The following TMEM59 variants were observed in gnomAD, a reference collection of about 807,000 sequenced individuals.
The protein encoded by TMEM59 is dendritic cell factor 1.
A neutral mutation model predicts 42.2 loss-of-function variants in TMEM59; 44 were observed. The observed-to-expected ratio is 1.04, with a 90% CI of 0.82 to 1.34. The LOEUF (loss-of-function observed/expected upper bound fraction) is 1.34. Among genes scored for constraint, TMEM59 ranks in the 40% most tolerant of loss-of-function variants. The pLI is 0.00. For synonymous variants in TMEM59, 148 were observed against 145.8 expected, an observed-to-expected ratio of 1.02 and a Z score of -0.11; for missense variants, 359 against 382.8, an observed-to-expected ratio of 0.94 and a Z score of 0.52.
chr1:54,032,213 A>T lies in TMEM59; in HGVS notation c.909T>A (p.Thr303=). The change falls in exon 8 of 8, where the codon ACT becomes ACA. Residue 303 remains threonine, a synonymous_variant. Transcript: ENST00000234831. ...GAGGCCCTGCTTCTTCATGATCTTC[A>T]GTTTTAGATCTAACAACCACAAGAG... ...ASSLVVVRSK[T]EDHEEAGPLP... 6.2e-7 allele frequency: 1 copy of T among 1,613,354 alleles called. No homozygotes were observed. The highest frequency in any genetic ancestry group is 8.5e-7 in the Non-Finnish European group (1 of 1,179,636).
chr1:54,053,266 C>T (rs1657644737), upstream of TMEM59: 1 of 1,530,084 alleles, frequency 6.5e-7, no homozygotes, highest in South Asian at 1.2e-5. Context: ...GGGGCCAGCC[C>T]CCTTCTCCGC....
In TMEM59 at chr1:54,032,169, A is replaced by G; in HGVS notation, c.953T>C (p.Leu318Pro). The G allele has an allele frequency of 6.2e-7, 1 of 1,609,634 alleles. No homozygotes were observed. Among genetic ancestry groups the G allele is most frequent in the South Asian group, 1.1e-5 (1 of 90,446 alleles). The change falls in exon 8 of 8, where the codon CTT becomes CCT. Residue 318 changes from leucine (L) to proline (P), a missense_variant. Transcript: ENST00000234831. ...EAGPLPTKVNLAHSEI is the reference protein window; with the variant it reads ...EAGPLPTKVNPAHSEI ...AAATGCTTAAATTTCAGAATGAGCA[A>G]GATTCACTTTTGTAGGTAGAGGCCC...
Position 54,026,805 on chromosome 1 carries a change from A to C in TMEM59, c.*5345T>G, listed in dbSNP as rs1421946634. On this transcript the variant is annotated 3_prime_UTR_variant, in exon 8 of 8. Transcript: ENST00000234831. Reference sequence around the variant, plus strand: ...TACACCTGGAGGTAACATTATCAAGAGCTTTTGTTGAAACCTTTCATTTTC... The same window carrying C: ...TACACCTGGAGGTAACATTATCAAGCGCTTTTGTTGAAACCTTTCATTTTC... 6.6e-6 allele frequency: 1 copy of C among 152,258 alleles called. No individual in the cohort carries two copies. The highest frequency in any genetic ancestry group is 1.9e-4 in the East Asian group (1 of 5,204). 9.4% of individuals were successfully genotyped at this position (152,258 alleles called of 1,614,324 possible).
At chr1:54,043,189 C>T (rs1040199786) in intron 4 of TMEM59, among the ~76,000 whole-genome samples, 184 bp downstream of exon 4, 4 of 152,042 alleles carry the variant, frequency 2.6e-5, no homozygotes, top group African/African-American at 4.8e-5. Context: ...AGGCTTCTAA[C>T]GGGCAAAGGG....
At chr1:54,041,138 ATG>A in intron 5 of TMEM59, among the ~76,000 whole-genome samples, 1 of 152,318 alleles carries the variant, frequency 6.6e-6, no homozygotes, top group East Asian at 1.9e-4. Context: ...GTCTTATGTT[ATG>A]TGCTATCATT....
intron 1 of TMEM59, among the ~76,000 whole-genome samples, chr1:54,049,845 A>G (rs1413687399): frequency 3.9e-5 from 6 of 152,162 alleles, no homozygotes; most frequent in African/African-American, 1.4e-4. Flanking sequence ...AATAAATAGA[A>G]GTTAAGTGAT....
intron 1 of TMEM59, among the ~76,000 whole-genome samples, chr1:54,052,621 G>A (rs924753279): frequency 3.3e-5 from 5 of 152,048 alleles, no homozygotes; most frequent in Non-Finnish European, 7.4e-5. Flanking sequence ...GTGGACTCGC[G>A]TATCTGCGCC....
At chr1:54,032,531 A>G (rs371014137) in intron 7 of TMEM59, among the ~76,000 whole-genome samples, 108 of 152,402 alleles carry the variant, frequency 7.1e-4, no homozygotes, top group Non-Finnish European at 1.1e-3. Flanking sequence ...CCTCAGGAGT[A>G]TAACAATTGG....
chr1:54,040,618 C>T (rs1268130186), intron 6 of TMEM59, 138 bp downstream of exon 6: 1 of 646,176 alleles, frequency 1.5e-6, no homozygotes, highest in African/African-American at 1.9e-5. Context: ...ACTAAAATAT[C>T]TAATGTACAA....
chr1:54,032,078 A>T lies in TMEM59; in HGVS notation c.*72T>A. The T allele has an allele frequency of 7.1e-7, 1 of 1,416,730 alleles. No homozygotes were observed. The highest frequency in any genetic ancestry group is 9.4e-7 in the Non-Finnish European group (1 of 1,061,756). 87.8% of individuals were successfully genotyped at this position (1,416,730 alleles called of 1,614,324 possible). ...ATTTCTTAAGGCCTATATCCAATGA[A>T]ACCATTTTAAAAGCTCTATGAGGAG... On this transcript the variant is annotated 3_prime_UTR_variant, in exon 8 of 8. Coordinates refer to ENST00000234831, the MANE Select transcript of TMEM59 (RefSeq NM_004872.5).
upstream of TMEM59, chr1:54,053,362 G>A (rs1657650519): frequency 1.4e-6 from 1 of 698,478 alleles, no homozygotes; most frequent in Non-Finnish European, 2.3e-6. Flanking sequence ...TCACCTCTGG[G>A]ACTACGAACT....
chr1:54,045,353 A>G, intron 3 of TMEM59: 1 of 239,508 alleles, frequency 4.2e-6, no homozygotes, highest in Non-Finnish European at 8.0e-6. Flanking sequence ...GAGTTAAGGC[A>G]ATGGCAACTG....
Position 54,031,042 on chromosome 1 carries a change from A to C in TMEM59, c.*1108T>G, listed in dbSNP as rs925342817. On this transcript the variant is annotated 3_prime_UTR_variant, in exon 8 of 8. Transcript: ENST00000234831. ...CTAAGTGGGTGGATCACCTGAGGTC[A>C]GGAGTTCGAGACCAGCCTGGCCAAC... is the stretch of plus-strand genomic sequence containing the variant. 2 of 152,250 alleles carry C rather than the reference A, an allele frequency of 1.3e-5. No individual in the cohort carries two copies. Among genetic ancestry groups the C allele is most frequent in the African/African-American group, 4.8e-5 (2 of 41,438 alleles). 9.4% of individuals were successfully genotyped at this position (152,250 alleles called of 1,614,324 possible).
chr1:54,042,793 C>T (rs182602638), intron 4 of TMEM59, among the ~76,000 whole-genome samples: 163 of 152,256 alleles, frequency 1.1e-3, no homozygotes, highest in Admixed American at 4.0e-3. Context: ...CTCTCACCTT[C>T]CTCATAATAA....
At chr1:54,042,358 T>C (rs1402441448) in intron 4 of TMEM59, among the ~76,000 whole-genome samples, 1 of 152,252 alleles carries the variant, frequency 6.6e-6, no homozygotes, top group South Asian at 2.1e-4. Flanking sequence ...ACACAGACTT[T>C]AGAGAGACAC....
At position 54,053,078 on chromosome 1, in the gene TMEM59, T is replaced by C. The variant is rs570850581; in HGVS notation, c.111A>G (p.Ala37=). ...CCGTATCACCCAAGACCGAGTCAAA[T>C]GCTTCAGCCGAAGCGGTCCCCGAAC... ...AGGSGTASAE[A]FDSVLGDTAS... is the part of the protein sequence containing the mutation. The change falls in exon 1 of 8, where the codon GCA becomes GCG. Residue 37 remains alanine, a synonymous_variant. Coordinates refer to ENST00000234831, the MANE Select transcript of TMEM59 (RefSeq NM_004872.5). 72 of 1,614,230 alleles carry C rather than the reference T, an allele frequency of 4.5e-5. No individual in the cohort carries two copies. The East Asian group carries it at 1.0e-3, about 23-fold the overall frequency.
chr1:54,041,635 C>A, intron 5 of TMEM59, 89 bp downstream of exon 5: 1 of 995,560 alleles, frequency 1.0e-6, no homozygotes, highest in Non-Finnish European at 1.6e-6. Context: ...GTTTATGTTC[C>A]ATCAGTGTAA....
chr1:54,042,909 G>A (rs1657189943), intron 4 of TMEM59, among the ~76,000 whole-genome samples: 1 of 152,184 alleles, frequency 6.6e-6, no homozygotes. Flanking sequence ...GGTAAACGAT[G>A]AGATAGGAGA....
intron 2 of TMEM59, among the ~76,000 whole-genome samples, chr1:54,046,167 T>C (rs1051518106): frequency 1.3e-5 from 2 of 152,228 alleles, no homozygotes; most frequent in South Asian, 2.1e-4. Flanking sequence ...CCTCTGACTA[T>C]TGATTTCTAT....
Sources: allele counts gnomAD v4.1 joint callset (sites outside exome capture counted in the v4.1 genomes callset), GRCh38; gene constraint gnomAD v4.1.1; transcripts MANE v1.5; gene names NCBI Gene and HGNC (gene_info 2026-07-23, HGNC 2026-07-21).